Variants in PTPRG observed in about 807,000 individuals in gnomAD.
The protein encoded by PTPRG is protein tyrosine phosphatase receptor type G, also known as receptor-type tyrosine-protein phosphatase gamma.
In PTPRG, 102 loss-of-function variants were observed where a neutral mutation model predicts 165.3. The ratio of observed to expected loss-of-function variants is 0.62; its 90% confidence interval spans 0.53 to 0.73. The LOEUF (loss-of-function observed/expected upper bound fraction) is 0.73. Ranked by LOEUF, PTPRG falls within the 30% of genes least tolerant of loss-of-function variation. The pLI, the probability that PTPRG is intolerant of heterozygous loss-of-function variation, is 0.00. For missense variants in PTPRG, 1,866 were observed against 1,861.4 expected (o/e 1.00, Z -0.05); for synonymous variants, 675 against 669.5 (o/e 1.01, Z -0.13).
chr3:61,746,554 T>A (rs1343144738), intron 1 of PTPRG, among the ~76,000 whole-genome samples: 1 of 152,072 alleles, frequency 6.6e-6, no homozygotes, highest in Non-Finnish European at 1.5e-5. Flanking sequence ...AATTTTAAGG[T>A]CCTCTGTTAA....
At chr3:61,625,294 C>T (rs1258123863) in intron 1 of PTPRG, among the ~76,000 whole-genome samples, 1 of 46,864 alleles carries the variant, frequency 2.1e-5, no homozygotes, top group Non-Finnish European at 4.3e-5. Context: ...AGTCTCTCAC[C>T]CTTTTTCTGA....
chr3:62,081,378 T>C (rs997486645), intron 5 of PTPRG, among the ~76,000 whole-genome samples: 13 of 152,214 alleles, frequency 8.5e-5, no homozygotes, highest in Non-Finnish European at 1.5e-4. Context: ...CAAATCTCCC[T>C]GTTGCCCAGG....
intron 2 of PTPRG, among the ~76,000 whole-genome samples, chr3:61,975,557 G>A (rs1051477938): frequency 2.0e-5 from 3 of 152,098 alleles, no homozygotes; most frequent in Non-Finnish European, 2.9e-5. Context: ...CACTGTCTTC[G>A]TCATCCATGA....
chr3:61,623,331 T>G (rs1263654876), intron 1 of PTPRG, among the ~76,000 whole-genome samples: 1 of 152,076 alleles, frequency 6.6e-6, no homozygotes, highest in Non-Finnish European at 1.5e-5. Flanking sequence ...TCTGCATGAC[T>G]AGGGAGGACA....
chr3:61,813,150 A>G (rs1479374278), intron 2 of PTPRG, among the ~76,000 whole-genome samples: 3 of 152,010 alleles, frequency 2.0e-5, no homozygotes, highest in African/African-American at 7.3e-5. Context: ...ACGGAATGGT[A>G]GAGCATGGGG....
At chr3:62,002,551 A>C (rs2041197071) in intron 3 of PTPRG, among the ~76,000 whole-genome samples, 1 of 152,190 alleles carries the variant, frequency 6.6e-6, no homozygotes, top group Admixed American at 6.5e-5. Flanking sequence ...TGTAAATCCA[A>C]GTTATTCTCA....
chr3:62,257,839 G>T (rs766843012), intron 16 of PTPRG, among the ~76,000 whole-genome samples: 26 of 152,136 alleles, frequency 1.7e-4, no homozygotes, highest in Middle Eastern at 3.4e-3. Flanking sequence ...CACAACTGTG[G>T]TCCTAGCTAT....
chr3:61,617,217 G>A (rs1002101198), intron 1 of PTPRG, among the ~76,000 whole-genome samples: 12 of 152,192 alleles, frequency 7.9e-5, no homozygotes, highest in African/African-American at 2.9e-4. Flanking sequence ...AGAAGGACCC[G>A]GATACAGACA....
rs71629138 is a variant in PTPRG at position 61,676,456 on chromosome 3, CAAAA to C, written c.86-72407_86-72404del. Among the ~76,000 whole-genome samples the C allele has an allele frequency of 1.4e-4, 3 of 21,878 alleles. 1 individual carries two copies. Among genetic ancestry groups the C allele is most frequent in the South Asian group, 1.8e-3 (1 of 552 alleles). 14.4% of individuals were successfully genotyped at this position (21,878 alleles called of 152,430 possible). On this transcript the variant is annotated intron_variant, in intron 1 of 29. Coordinates refer to ENST00000474889, the MANE Select transcript of PTPRG (RefSeq NM_002841.4). ...TGGGCGACAGAGCCAGACTCCATCTCAAAAAAAAAAAAAAAAAAGAAAATTACTA... is the reference window on the plus strand; with the variant it reads ...TGGGCGACAGAGCCAGACTCCATCTCAAAAAAAAAAAAAAGAAAATTACTA...
intron 3 of PTPRG, among the ~76,000 whole-genome samples, chr3:61,990,683 T>A (rs1178824499): frequency 1.3e-5 from 2 of 152,228 alleles, no homozygotes; most frequent in South Asian, 2.1e-4. Context: ...TATTTTTCAC[T>A]CTTATTACTT....
At chr3:62,018,438 G>A (rs1289289305) in intron 4 of PTPRG, among the ~76,000 whole-genome samples, 1 of 152,178 alleles carries the variant, frequency 6.6e-6, no homozygotes, top group East Asian at 1.9e-4. Flanking sequence ...CACAATGTCA[G>A]CAGGAACTGG....
At chr3:62,064,891 C>A (rs1401292888) in intron 4 of PTPRG, among the ~76,000 whole-genome samples, 1 of 151,894 alleles carries the variant, frequency 6.6e-6, no homozygotes, top group African/African-American at 2.4e-5. Context: ...GCCACCACGC[C>A]AAGCTAATTT....
rs143723307 is a variant in PTPRG, at chr3:62,277,106, C to A, written c.3636+58C>A. 2.4e-4 allele frequency: 304 copies of A among 1,278,500 alleles called. 2 individuals carry two copies. The East Asian group carries it at 7.1e-3, about 30-fold the overall frequency. The allele number at this position is 1,278,500 out of a possible 1,614,324, so 79.2% of individuals were successfully genotyped here. On this transcript the variant is annotated intron_variant, in intron 25 of 29. Transcript: ENST00000474889. ...AACTAAACTGAAAGGTGTTAAAGAG[C>A]AGATACCACCTGTGTGACTGATGTC...
At chr3:62,133,157 C>T (rs1025482016) in intron 6 of PTPRG, among the ~76,000 whole-genome samples, 3 of 152,174 alleles carry the variant, frequency 2.0e-5, no homozygotes, top group Non-Finnish European at 4.4e-5. Context: ...CTCTTATCCT[C>T]AGGCATAAAA....
intron 2 of PTPRG, among the ~76,000 whole-genome samples, chr3:61,855,824 G>A (rs1400271506): frequency 4.6e-5 from 7 of 151,870 alleles, no homozygotes; most frequent in African/African-American, 1.5e-4. Flanking sequence ...TCTTGCTGGG[G>A]GGCTCTGGGA....
intron 2 of PTPRG, among the ~76,000 whole-genome samples, chr3:61,752,927 C>T (rs1419693401): frequency 1.3e-5 from 2 of 152,090 alleles, no homozygotes; most frequent in Non-Finnish European, 2.9e-5. Context: ...ATTTCCACTT[C>T]ACTGCATCAC....
intron 5 of PTPRG, among the ~76,000 whole-genome samples, chr3:62,126,438 G>A (rs1349630442): frequency 6.6e-6 from 1 of 152,224 alleles, no homozygotes; most frequent in Non-Finnish European, 1.5e-5. Context: ...TTGAAGTGGG[G>A]AGGGTGAATC....
chr3:62,267,671 G>A lies in PTPRG; in HGVS notation c.2740-14G>A. On this transcript the variant is annotated splice_polypyrimidine_tract_variant and intron_variant, in intron 18 of 29. Transcript: ENST00000474889. ...AACTGCTTTCATCTCACTTTGTGCTGTGTCATTTTGAAGGGTTACAACAAA... is the reference window on the plus strand; with the variant it reads ...AACTGCTTTCATCTCACTTTGTGCTATGTCATTTTGAAGGGTTACAACAAA... 6.2e-7 allele frequency: 1 copy of A among 1,608,166 alleles called. No individual in the cohort carries two copies. Among genetic ancestry groups the A allele is most frequent in the Non-Finnish European group, 8.5e-7 (1 of 1,177,884 alleles).
At chr3:62,113,471 T>C (rs1702742183) in intron 5 of PTPRG, among the ~76,000 whole-genome samples, 1 of 152,354 alleles carries the variant, frequency 6.6e-6, no homozygotes, top group African/African-American at 2.4e-5. Context: ...ATTTGATATA[T>C]ACACAGATCC....
Sources: gnomAD v4.1 joint callset for allele counts (sites outside exome capture counted in the v4.1 genomes callset) on GRCh38, gnomAD v4.1.1 for gene constraint, MANE v1.5 for transcripts, NCBI Gene and HGNC (gene_info 2026-07-23, HGNC 2026-07-21) for gene names.